The following SLC38A8 variants were observed in gnomAD, a reference collection of about 807,000 sequenced individuals.
SLC38A8 encodes solute carrier family 38 member 8.
In SLC38A8, 65 loss-of-function variants were observed where a neutral mutation model predicts 46.0. That is an observed-to-expected ratio of 1.41 (90% confidence interval 1.16 to 1.74). SLC38A8 has a LOEUF of 1.74. Ranked by LOEUF, SLC38A8 falls within the 40% of genes most tolerant of loss-of-function variation. SLC38A8 has a pLI of 0.00. For synonymous variants in SLC38A8, 447 were observed against 243.7 expected (o/e 1.83, Z -7.77); for missense variants, 998 against 567.9 (o/e 1.76, Z -7.70).
At chr16:84,036,975 C>G in intron 2 of SLC38A8, 75 bp from the exon 3 acceptor site, 1 of 1,394,178 alleles carries the variant, frequency 7.2e-7, no homozygotes. Flanking sequence ...ACCCCTCGGG[C>G]ACACTCTCCA....
At chr16:84,029,170 G>A (rs1375759270) in intron 6 of SLC38A8, among the ~76,000 whole-genome samples, 1 of 152,128 alleles carries the variant, frequency 6.6e-6, no homozygotes, top group African/African-American at 2.4e-5. Context: ...CAGTCCTGTG[G>A]GGGTTCTGCA....
intron 2 of SLC38A8, among the ~76,000 whole-genome samples, chr16:84,038,675 C>T (rs1037400620): frequency 1.8e-4 from 28 of 152,240 alleles, no homozygotes; most frequent in African/African-American, 6.5e-4. Context: ...CTGCTACCCA[C>T]AGGCGGAACA....
At chr16:84,030,474 G>A (rs967278924) in intron 5 of SLC38A8, among the ~76,000 whole-genome samples, 11 of 151,994 alleles carry the variant, frequency 7.2e-5, no homozygotes, top group Admixed American at 3.3e-4. Flanking sequence ...CTGCCAGCCC[G>A]GACCTCTCTC....
Position 84,013,000 on chromosome 16 carries a change from C to G in SLC38A8, c.1214+1G>C, listed in dbSNP as rs747096444. 20 of 1,614,140 alleles carry G rather than the reference C, an allele frequency of 1.2e-5. No individual in the cohort carries two copies. The highest frequency in any genetic ancestry group is 1.2e-4 in the South Asian group (11 of 91,082). ...TGCCACCTCATCTTAGGGACACTTA[C>G]TTGACTCTTGGTCCTATAGGCTCGA... On this transcript the variant is annotated splice_donor_variant, in intron 10 of 10. Transcript: ENST00000299709. LOFTEE classifies it high-confidence loss of function.
chr16:84,033,858 G>A (rs147855907), intron 3 of SLC38A8, among the ~76,000 whole-genome samples: 18 of 152,342 alleles, frequency 1.2e-4, no homozygotes, highest in East Asian at 9.6e-4. Flanking sequence ...CCACCGTGCC[G>A]TCAGCAACAG....
chr16:84,036,905 G>C lies in SLC38A8; in HGVS notation c.190-5C>G. 6.2e-7 allele frequency: 1 copy of C among 1,607,346 alleles called. No individual in the cohort carries two copies. Among genetic ancestry groups the C allele is most frequent in the Non-Finnish European group, 8.5e-7 (1 of 1,178,114 alleles). On this transcript the variant is annotated splice_polypyrimidine_tract_variant and splice_region_variant and intron_variant, in intron 2 of 10. Coordinates refer to ENST00000299709, the MANE Select transcript of SLC38A8 (RefSeq NM_001080442.3). ...GATCAGGAAGACCAACGAGACCTGC[G>C]GAGAAGGAGCAGGACCTGGAACTGG... is the stretch of plus-strand genomic sequence containing the variant.
chr16:84,024,523 G>C (rs1050565166), intron 6 of SLC38A8, among the ~76,000 whole-genome samples: 1 of 151,744 alleles, frequency 6.6e-6, no homozygotes, highest in East Asian at 2.0e-4. Context: ...GCTCACGCCT[G>C]TAATCCCAGC....
intron 9 of SLC38A8, among the ~76,000 whole-genome samples, chr16:84,014,972 C>G (rs74032387): frequency 0.03 from 4,583 of 152,222 alleles, 119 homozygotes; most frequent in African/African-American, 0.069. Context: ...TTTTGGAAGA[C>G]CTGTAAGAGC....
intron 10 of SLC38A8, among the ~76,000 whole-genome samples, chr16:84,012,297 T>G (rs1390467947): frequency 6.6e-6 from 1 of 152,168 alleles, no homozygotes; most frequent in African/African-American, 2.4e-5. Flanking sequence ...TCCTCTTCCG[T>G]GGGTCAGACT....
Position 84,041,376 on chromosome 16 carries a change from A to C in SLC38A8, c.189+593T>G, listed in dbSNP as rs183807053. ...CTCCGTCGCCCAGGCTGGAGCGCAC[A>C]GTCTCAGCTCACTGCAACCTCCGCC... On this transcript the variant is annotated intron_variant, in intron 2 of 10. Transcript: ENST00000299709. 1,282 of 152,780 alleles carry C rather than the reference A, an allele frequency of 8.4e-3. 4 individuals carry two copies. Among genetic ancestry groups the C allele is most frequent in the Non-Finnish European group, 0.013 (910 of 68,412 alleles). The allele number at this position is 152,780 out of a possible 1,614,324, so 9.5% of individuals were successfully genotyped here.
chr16:84,013,541 G>C (rs536849154), intron 9 of SLC38A8, among the ~76,000 whole-genome samples: 43 of 139,562 alleles, frequency 3.1e-4, no homozygotes, highest in African/African-American at 1.1e-3. Context: ...AGTCATTCTC[G>C]TGCCTCAGCC....
At chr16:84,019,344 G>C (rs1281103974) in intron 7 of SLC38A8, among the ~76,000 whole-genome samples, 1 of 152,080 alleles carries the variant, frequency 6.6e-6, no homozygotes, top group Non-Finnish European at 1.5e-5. Flanking sequence ...ATAATGCTGG[G>C]ATTACAAGCA....
chr16:84,010,757 G>T lies in SLC38A8; in HGVS notation c.1215-880C>A, dbSNP rs569242161. 2.5e-3 allele frequency among the ~76,000 whole-genome samples: 378 copies of T among 152,194 alleles called. 5 individuals carry two copies. The highest frequency in any genetic ancestry group is 8.9e-3 in the African/African-American group (369 of 41,530). ...AGACTCCATCTCAAAAAGAGAAAAA[G>T]ACATGGAGAGAAGGGAGACACTACT... On this transcript the variant is annotated intron_variant, in intron 10 of 10. Coordinates refer to ENST00000299709, the MANE Select transcript of SLC38A8 (RefSeq NM_001080442.3).
In SLC38A8 at chr16:84,009,704, C is replaced by A; in HGVS notation, c.*80G>T. 2 of 1,194,082 alleles carry A rather than the reference C, an allele frequency of 1.7e-6. No individual in the cohort carries two copies. The highest frequency in any genetic ancestry group is 1.4e-5 in the South Asian group (1 of 70,378). The allele number at this position is 1,194,082 out of a possible 1,614,324, so 74.0% of individuals were successfully genotyped here. ...GCATCTTTATGAGGAAAAGAAATGG[C>A]ATCGGTCTCCTGGCTGCATACAGCA... is the stretch of plus-strand genomic sequence containing the variant. On this transcript the variant is annotated 3_prime_UTR_variant, in exon 11 of 11. Transcript: ENST00000299709.
In SLC38A8 at chr16:84,038,933, C is replaced by G. The variant is rs532549586; in HGVS notation, c.190-2033G>C. On this transcript the variant is annotated intron_variant, in intron 2 of 10. Transcript: ENST00000299709. Reference sequence around the variant, plus strand: ...GCATTCCACATCTAATCCCTAGAGCCTGTGAACGTGACTTACTGGAAACAG... The same window carrying G: ...GCATTCCACATCTAATCCCTAGAGCGTGTGAACGTGACTTACTGGAAACAG... Among the ~76,000 whole-genome samples the G allele has an allele frequency of 3.3e-5, 5 of 152,206 alleles. No homozygotes were observed. In the South Asian group the frequency reaches 1.0e-3, roughly 31 times the overall value.
In SLC38A8 at chr16:84,031,592, G is replaced by C. The variant is rs973191801; in HGVS notation, c.632+275C>G. Among the ~76,000 whole-genome samples the C allele has an allele frequency of 1.3e-4, 20 of 152,064 alleles. No individual in the cohort carries two copies. In the East Asian group the frequency reaches 2.1e-3, roughly 16 times the overall value. On this transcript the variant is annotated intron_variant, in intron 5 of 10. Coordinates refer to ENST00000299709, the MANE Select transcript of SLC38A8 (RefSeq NM_001080442.3). ...CTGTACCTCCACACTGTGGGGACAA[G>C]TCTGCAATAACCTATGACCCCTAGG...
Position 84,019,478 on chromosome 16 carries a change from C to T in SLC38A8, c.806-2191G>A, listed in dbSNP as rs113737549. On this transcript the variant is annotated intron_variant, in intron 7 of 10. Coordinates refer to ENST00000299709, the MANE Select transcript of SLC38A8 (RefSeq NM_001080442.3). ...AAATGGATTAATCTGTTTATGAGAG[C>T]GCTGCTCTCGACAGCTTCTTAAAGG... Among the ~76,000 whole-genome samples the T allele has an allele frequency of 1.3e-3, 193 of 152,280 alleles. 2 individuals carry two copies. Among genetic ancestry groups the T allele is most frequent in the African/African-American group, 4.0e-3 (168 of 41,560 alleles).
At chr16:84,015,346 T>C (rs944162423) in intron 9 of SLC38A8, among the ~76,000 whole-genome samples, 10 of 152,054 alleles carry the variant, frequency 6.6e-5, no homozygotes, top group Non-Finnish European at 1.3e-4. Flanking sequence ...CTTGGGCTGT[T>C]TGGGAAGGTT....
Position 84,013,010 on chromosome 16 carries a change from G to A in SLC38A8, c.1205C>T (p.Pro402Leu), listed in dbSNP as rs201194139. The change falls in exon 10 of 11, where the codon CCA becomes CTA. Residue 402 changes from proline to leucine, a missense_variant. By Grantham distance (98) the Pro-to-Leu change is moderately conservative. Coordinates refer to ENST00000299709, the MANE Select transcript of SLC38A8 (RefSeq NM_001080442.3). Reference protein sequence around the residue: ...ICAMGVEPIGPRVKCCLEVWG... With the variant: ...ICAMGVEPIGLRVKCCLEVWG... ...TCTTAGGGACACTTACTTGACTCTT[G>A]GTCCTATAGGCTCGACACCCATTGC... 5.7e-4 allele frequency: 916 copies of A among 1,614,100 alleles called. 3 individuals are homozygous for A. Among genetic ancestry groups the A allele is most frequent in the Admixed American group, 7.5e-4 (45 of 60,008 alleles).
Sources: gnomAD v4.1 joint callset for allele counts (sites outside exome capture counted in the v4.1 genomes callset) on GRCh38, gnomAD v4.1.1 for gene constraint, MANE v1.5 for transcripts, NCBI Gene and HGNC (gene_info 2026-07-23, HGNC 2026-07-21) for gene names.